Variants in PDE11A observed in about 807,000 individuals in gnomAD.
The protein encoded by PDE11A is dual 3',5'-cyclic-AMP and -GMP phosphodiesterase 11A.
PDE11A carries 100 observed loss-of-function variants against 100.5 expected under a neutral mutation model. That is an observed-to-expected ratio of 1.00 (90% CI 0.85 to 1.18). The LOEUF is 1.18. PDE11A is among the 50% of genes most tolerant of loss of function. PDE11A has a pLI of 0.00. For missense variants in PDE11A, 1,141 were observed against 1,152.6 expected, an observed-to-expected ratio of 0.99 and a Z score of 0.15; for synonymous variants, 381 against 420.8, an observed-to-expected ratio of 0.91 and a Z score of 1.16.
intron 4 of PDE11A, among the ~76,000 whole-genome samples, chr2:177,882,859 C>T (rs1050222379): frequency 1.6e-4 from 24 of 152,140 alleles, no homozygotes; most frequent in Non-Finnish European, 3.1e-4. Context: ...AAACTATACT[C>T]AAATAGATAT....
intron 16 of PDE11A, among the ~76,000 whole-genome samples, chr2:177,678,748 T>G (rs1168111140): frequency 2.0e-5 from 3 of 152,146 alleles, no homozygotes; most frequent in Non-Finnish European, 4.4e-5. Flanking sequence ...AATAAGATAT[T>G]TCTTCCATAT....
At chr2:178,025,885 T>C (rs1007286859) in intron 1 of PDE11A, among the ~76,000 whole-genome samples, 1 of 152,042 alleles carries the variant, frequency 6.6e-6, no homozygotes, top group African/African-American at 2.4e-5. Context: ...ATCAGGGAAA[T>C]GAGGCTCTAA....
Position 177,629,237 on chromosome 2 carries a change from T to G in PDE11A, c.*170A>C. The G allele has an allele frequency of 1.4e-6, 1 of 690,972 alleles. No homozygotes were observed. The allele number at this position is 690,972 out of a possible 1,614,324, so 42.8% of individuals were successfully genotyped here. Reference sequence around the variant, plus strand: ...CCACCTCTTTCTTTGTCCTTCCCGTTGCTCTCTCTGCTGCTGACCATGCTT... The same window carrying G: ...CCACCTCTTTCTTTGTCCTTCCCGTGGCTCTCTCTGCTGCTGACCATGCTT... On this transcript the variant is annotated 3_prime_UTR_variant, in exon 20 of 20. Transcript: ENST00000286063.
chr2:177,846,667 C>G (rs937907383), intron 5 of PDE11A, among the ~76,000 whole-genome samples: 7 of 152,162 alleles, frequency 4.6e-5, no homozygotes, highest in Non-Finnish European at 8.8e-5. Context: ...CACACGGATG[C>G]CCTATAAAAG....
intron 1 of PDE11A, among the ~76,000 whole-genome samples, chr2:178,068,923 A>G (rs2087087590): frequency 6.6e-6 from 1 of 152,212 alleles, no homozygotes; most frequent in Admixed American, 6.5e-5. Flanking sequence ...TAGAGAATGG[A>G]AGGATAGATA....
At chr2:177,811,823 G>A (rs2082952514) in intron 9 of PDE11A, among the ~76,000 whole-genome samples, 1 of 152,162 alleles carries the variant, frequency 6.6e-6, no homozygotes, top group Non-Finnish European at 1.5e-5. Flanking sequence ...AAACACTGGT[G>A]CCCTGGAGCA....
Position 177,816,937 on chromosome 2 carries a change from C to T in PDE11A, c.1645-16G>A, listed in dbSNP as rs756376334. On this transcript the variant is annotated splice_polypyrimidine_tract_variant and intron_variant, in intron 8 of 19. Transcript: ENST00000286063. ...TGACAAAAGCCTAGGAAAGAGCAAA[C>T]CTGCTAATTAAACATTGCAGCAACT... is the stretch of plus-strand genomic sequence containing the variant. 3 of 1,494,568 alleles carry T rather than the reference C, an allele frequency of 2.0e-6. No individual in the cohort carries two copies. In the South Asian group the frequency reaches 3.4e-5, roughly 17 times the overall value. 92.6% of individuals were successfully genotyped at this position (1,494,568 alleles called of 1,614,324 possible). A position where few individuals can be genotyped will look rare whatever the true frequency, so the allele number is the denominator to read the frequency against.
In PDE11A at chr2:177,795,454, C is replaced by T. The variant is rs144808038; in HGVS notation, c.1737+21375G>A. On this transcript the variant is annotated intron_variant, in intron 9 of 19. Coordinates refer to ENST00000286063, the MANE Select transcript of PDE11A (RefSeq NM_016953.4). ...TTTTTGCTAGAAAGTGTTGATTACCCGCTTCGGCTTAACTGCCACAGAGTT... is the reference window on the plus strand; with the variant it reads ...TTTTTGCTAGAAAGTGTTGATTACCTGCTTCGGCTTAACTGCCACAGAGTT... 3.9e-5 allele frequency among the ~76,000 whole-genome samples: 6 copies of T among 152,192 alleles called. No homozygotes were observed. In the East Asian group the frequency reaches 7.7e-4, roughly 20 times the overall value.
At chr2:177,920,765 T>C (rs1325953630) in intron 2 of PDE11A, among the ~76,000 whole-genome samples, 1 of 152,098 alleles carries the variant, frequency 6.6e-6, no homozygotes, top group Admixed American at 6.6e-5. Context: ...TTTGCTTCAA[T>C]TAAAAAATTG....
intron 5 of PDE11A, among the ~76,000 whole-genome samples, chr2:177,857,759 A>C (rs544601192): frequency 6.6e-6 from 1 of 152,080 alleles, no homozygotes. Flanking sequence ...TGGATAAAAT[A>C]ACATGATCCA....
chr2:178,061,617 G>A (rs35397469), intron 1 of PDE11A, among the ~76,000 whole-genome samples: 15,309 of 152,192 alleles, frequency 0.1, 1,056 homozygotes, highest in Non-Finnish European at 0.15. Context: ...GTAAAGAGAG[G>A]AGGTGGCTCG....
At chr2:177,916,928 T>TTTTC (rs1491331216) in intron 2 of PDE11A, among the ~76,000 whole-genome samples, 1 of 28,752 alleles carries the variant, frequency 3.5e-5, no homozygotes, top group Non-Finnish European at 6.0e-5. Flanking sequence ...GCCCGGCTAA[T>TTTTC]TTTTTTTTTT....
chr2:177,873,205 C>T (rs1303814310), intron 5 of PDE11A, among the ~76,000 whole-genome samples: 1 of 152,030 alleles, frequency 6.6e-6, no homozygotes, highest in Non-Finnish European at 1.5e-5. Context: ...TAAAAAATAA[C>T]AATATTGAAG....
At chr2:177,698,125 G>A (rs1177493180) in intron 14 of PDE11A, among the ~76,000 whole-genome samples, 1 of 152,154 alleles carries the variant, frequency 6.6e-6, no homozygotes, top group African/African-American at 2.4e-5. Flanking sequence ...CACCATTAAG[G>A]TGCACTTTGA....
chr2:177,889,207 T>C (rs2084489400), intron 4 of PDE11A, among the ~76,000 whole-genome samples: 1 of 152,220 alleles, frequency 6.6e-6, no homozygotes, highest in South Asian at 2.1e-4. Context: ...TTTCTTTCCC[T>C]GAGGACTTTG....
At chr2:177,765,168 C>G (rs961859964) in intron 10 of PDE11A, among the ~76,000 whole-genome samples, 1 of 152,102 alleles carries the variant, frequency 6.6e-6, no homozygotes, top group African/African-American at 2.4e-5. Context: ...CAGAACAAAA[C>G]AGAACAACAA....
chr2:178,002,947 G>A (rs1248412982), intron 2 of PDE11A, among the ~76,000 whole-genome samples: 2 of 152,108 alleles, frequency 1.3e-5, no homozygotes, highest in Admixed American at 6.6e-5. Flanking sequence ...GCACATGAAA[G>A]GATGATCGAC....
intron 9 of PDE11A, among the ~76,000 whole-genome samples, chr2:177,802,600 A>G (rs758951832): frequency 5.9e-5 from 9 of 152,066 alleles, no homozygotes; most frequent in Non-Finnish European, 8.8e-5. Flanking sequence ...TACCTAAAAG[A>G]GTACATATTG....
rs544422384 is a variant in PDE11A at position 177,737,956 on chromosome 2, T to C, written c.1789-9784A>G. 2.6e-5 allele frequency among the ~76,000 whole-genome samples: 4 copies of C among 152,256 alleles called. No homozygotes were observed. In the East Asian group the frequency reaches 7.7e-4, roughly 29 times the overall value. ...GAAGGCTTGATAATCCTGCTGGAAG[T>C]CATCTTACTAGTTTTTCCCAAACCA... On this transcript the variant is annotated intron_variant, in intron 10 of 19. Transcript: ENST00000286063.
Sources: gnomAD v4.1 joint callset for allele counts (sites outside exome capture counted in the v4.1 genomes callset) on GRCh38, gnomAD v4.1.1 for gene constraint, MANE v1.5 for transcripts, NCBI Gene and HGNC (gene_info 2026-07-23, HGNC 2026-07-21) for gene names.